The following PGM2 variants were observed in gnomAD, a reference collection of about 807,000 sequenced individuals.
The protein encoded by PGM2 is phosphoglucomutase 2, also known as phosphopentomutase.
Under a neutral mutation model 74.6 loss-of-function variants are expected in PGM2, and 57 were observed. That is an observed-to-expected ratio of 0.76 (90% confidence interval 0.62 to 0.95). The LOEUF (loss-of-function observed/expected upper bound fraction) is 0.95, where lower values mean the gene tolerates loss of function less well. Ranked by LOEUF, PGM2 falls within the 40% of genes least tolerant of loss-of-function variation. The pLI, the probability that PGM2 is intolerant of heterozygous loss-of-function variation, is 0.00. For missense variants in PGM2, 706 were observed against 741.9 expected, an observed-to-expected ratio of 0.95 and a Z score of 0.56; for synonymous variants, 273 against 260.7, an observed-to-expected ratio of 1.05 and a Z score of -0.46.
rs1725519529 is a variant in PGM2, at chr4:37,834,665, A to G, written c.297A>G (p.Lys99=). Residue 99 remains lysine (K), a synonymous_variant, in exon 3 of 14, where the codon AAA becomes AAG. Transcript: ENST00000381967. ...LEKQFSDLKQ[K]GIVISFDARA... ...AACAATTCAGTGACTTAAAGCAGAA[A>G]GGCATCGTGATCAGTTTTGACGCCC... The G allele has an allele frequency of 1.2e-6, 2 of 1,603,386 alleles. No individual in the cohort carries two copies. Among genetic ancestry groups the G allele is most frequent in the African/African-American group, 2.7e-5 (2 of 74,488 alleles).
rs561102020 is a variant in PGM2 at position 37,827,121 on chromosome 4, T to C, written c.81+308T>C. ...AAGCGCGGCCAGACCCTGGACGCTG[T>C]CTAGTTGAGGGGCGCACGCCTTACT... On this transcript the variant is annotated intron_variant, in intron 1 of 13. Transcript: ENST00000381967. Among the ~76,000 whole-genome samples, 404 of 152,310 alleles carry C rather than the reference T, an allele frequency of 2.7e-3. 5 individuals carry two copies. The highest frequency in any genetic ancestry group is 9.2e-3 in the African/African-American group (382 of 41,564).
intron 2 of PGM2, among the ~76,000 whole-genome samples, chr4:37,834,342 A>G (rs1725509722): frequency 6.6e-6 from 1 of 151,948 alleles, no homozygotes; most frequent in South Asian, 2.1e-4. Context: ...GTCTCTGGAA[A>G]AAAAAAAAAA....
Position 37,855,598 on chromosome 4 carries a change from T to G in PGM2, c.1603-10T>G. 1 of 1,611,392 alleles carries G rather than the reference T, an allele frequency of 6.2e-7. No individual in the cohort carries two copies. The highest frequency in any genetic ancestry group is 8.5e-7 in the Non-Finnish European group (1 of 1,178,738). ...CTATTTAAATTTATAATGTGTGCAT[T>G]AATTCCTAGGTTCTTCCCACTAGTA... is the stretch of plus-strand genomic sequence containing the variant. On this transcript the variant is annotated splice_polypyrimidine_tract_variant and intron_variant, in intron 12 of 13. Coordinates refer to ENST00000381967, the MANE Select transcript of PGM2 (RefSeq NM_018290.4).
chr4:37,830,140 T>G lies in PGM2; in HGVS notation c.249+9T>G, dbSNP rs1725401716. ...TCATCCAGACTACACAGGTACCATGTTTTTTATAATTCTTAGTAACTCAAT... is the reference window on the plus strand; with the variant it reads ...TCATCCAGACTACACAGGTACCATGGTTTTTATAATTCTTAGTAACTCAAT... On this transcript the variant is annotated intron_variant, in intron 2 of 13. Coordinates refer to ENST00000381967, the MANE Select transcript of PGM2 (RefSeq NM_018290.4). The G allele has an allele frequency of 6.6e-7, 1 of 1,517,930 alleles. No individual in the cohort carries two copies. Among genetic ancestry groups the G allele is most frequent in the Non-Finnish European group, 8.8e-7 (1 of 1,131,418 alleles). 94.0% of individuals were successfully genotyped at this position (1,517,930 alleles called of 1,614,324 possible). A position where few individuals can be genotyped will look rare whatever the true frequency, so the allele number is the denominator to read the frequency against.
At chr4:37,858,341 T>G (rs1193883122) in intron 13 of PGM2, among the ~76,000 whole-genome samples, 1 of 105,382 alleles carries the variant, frequency 9.5e-6, no homozygotes, top group African/African-American at 4.9e-5. Context: ...TTTTGTTTTG[T>G]TTTTTGTTTT....
intron 1 of PGM2, among the ~76,000 whole-genome samples, chr4:37,828,348 C>CTT (rs1232898538): frequency 1.4e-5 from 2 of 144,598 alleles, no homozygotes; most frequent in African/African-American, 5.1e-5. Flanking sequence ...ATGAGATGTC[C>CTT]TTTTTTTTTT....
At chr4:37,854,565 T>G (rs1023294893) in intron 12 of PGM2, among the ~76,000 whole-genome samples, 1 of 152,040 alleles carries the variant, frequency 6.6e-6, no homozygotes, top group Non-Finnish European at 1.5e-5. Context: ...TGGCCAGGCT[T>G]GTCTCCAACT....
chr4:37,834,470 A>G (rs1725513531), intron 2 of PGM2, 148 bp from the exon 3 acceptor site: 2 of 491,000 alleles, frequency 4.1e-6, no homozygotes, highest in Non-Finnish European at 7.4e-6. Context: ...ATTATTGTTC[A>G]GTTTGCTTCC....
intron 13 of PGM2, among the ~76,000 whole-genome samples, chr4:37,857,564 T>C (rs1424071858): frequency 2.6e-5 from 4 of 152,062 alleles, no homozygotes; most frequent in African/African-American, 9.7e-5. Flanking sequence ...GAGTTTATCA[T>C]GAGGGAAATA....
At position 37,861,637 on chromosome 4, in the gene PGM2, G is replaced by T; in HGVS notation, c.*25G>T. 1 of 1,409,398 alleles carries T rather than the reference G, an allele frequency of 7.1e-7. No homozygotes were observed. The highest frequency in any genetic ancestry group is 1.0e-6 in the Non-Finnish European group (1 of 993,874). The allele number at this position is 1,409,398 out of a possible 1,614,324, so 87.3% of individuals were successfully genotyped here. On this transcript the variant is annotated 3_prime_UTR_variant, in exon 14 of 14. Transcript: ENST00000381967. ...AAATAGTCCAGCCTTGGGTATACTT[G>T]CATTTACCTACAATTAAGCTGGGTT...
intron 6 of PGM2, among the ~76,000 whole-genome samples, chr4:37,843,951 T>C (rs945301797): frequency 1.2e-4 from 18 of 152,212 alleles, no homozygotes; most frequent in Admixed American, 5.2e-4. Flanking sequence ...GAAAATCATT[T>C]CTGAAGCTGA....
In PGM2 at chr4:37,848,617, T is replaced by G; in HGVS notation, c.1378T>G (p.Ser460Ala). ...LASFLATKNL[S>A]LSQQLKAIYV... ...TAGCTTCCTAGCAACCAAGAATTTGTCTTTGTCTCAGCAACTAAAGGCCAT... is the reference window on the plus strand; with the variant it reads ...TAGCTTCCTAGCAACCAAGAATTTGGCTTTGTCTCAGCAACTAAAGGCCAT... Residue 460 changes from serine (S) to alanine (A), a missense_variant, in exon 11 of 14, where the codon TCT becomes GCT. Transcript: ENST00000381967. 6.2e-7 allele frequency: 1 copy of G among 1,613,864 alleles called. No homozygotes were observed. The highest frequency in any genetic ancestry group is 8.5e-7 in the Non-Finnish European group (1 of 1,179,722).
chr4:37,860,174 G>A (rs1711719315), intron 13 of PGM2, among the ~76,000 whole-genome samples: 1 of 152,138 alleles, frequency 6.6e-6, no homozygotes, highest in South Asian at 2.1e-4. Flanking sequence ...CCAAGTTTTA[G>A]TTTTAAGTAT....
At chr4:37,849,816 GTC>G (rs1725986332) in intron 11 of PGM2, among the ~76,000 whole-genome samples, 1 of 151,598 alleles carries the variant, frequency 6.6e-6, no homozygotes, top group Non-Finnish European at 1.5e-5. Context: ...TTGAGATGGA[GTC>G]TCTCGTTGCC....
intron 13 of PGM2, 38 bp from the exon 14 acceptor site, chr4:37,861,472 A>G: frequency 7.3e-7 from 1 of 1,371,242 alleles, no homozygotes; most frequent in Non-Finnish European, 1.0e-6. Flanking sequence ...CTTTGGAATA[A>G]TCCCTTGACC....
rs746319975 is a variant in PGM2, at chr4:37,848,574, C to G, written c.1335C>G (p.Val445=). Residue 445 remains valine, a synonymous_variant, in exon 11 of 14, where the codon GTC becomes GTG. Coordinates refer to ENST00000381967, the MANE Select transcript of PGM2 (RefSeq NM_018290.4). ...VLDKDGVSAA[V]ISAELASFLA... is the part of the protein sequence containing the mutation. The stretch of plus-strand genomic sequence containing the variant: ...ACAAAGATGGAGTCAGTGCCGCTGT[C>G]ATAAGTGCAGAGTTGGCTAGCTTCC... 3.7e-6 allele frequency: 6 copies of G among 1,613,636 alleles called. No homozygotes were observed. The South Asian group carries it at 6.6e-5, about 18-fold the overall frequency.
At chr4:37,851,419 C>G (rs569058041) in intron 12 of PGM2, among the ~76,000 whole-genome samples, 14 of 152,218 alleles carry the variant, frequency 9.2e-5, no homozygotes, top group Admixed American at 6.5e-5. Flanking sequence ...GCATTCTTTA[C>G]ACCAAGCAGA....
chr4:37,837,694 A>G, intron 4 of PGM2, 81 bp downstream of exon 4: 2 of 854,528 alleles, frequency 2.3e-6, no homozygotes, highest in Non-Finnish European at 4.1e-6. Flanking sequence ...CTTTAGGGCT[A>G]TTGGGATTGG....
intron 13 of PGM2, among the ~76,000 whole-genome samples, chr4:37,857,823 G>A (rs1162804278): frequency 6.6e-6 from 1 of 152,122 alleles, no homozygotes; most frequent in African/African-American, 2.4e-5. Context: ...GTAATATTAT[G>A]CAAGAATCTT....
Sources: allele counts gnomAD v4.1 joint callset (sites outside exome capture counted in the v4.1 genomes callset), GRCh38; gene constraint gnomAD v4.1.1; transcripts MANE v1.5; gene names NCBI Gene and HGNC (gene_info 2026-07-23, HGNC 2026-07-21).